Variants in BICD1 observed in about 807,000 individuals in gnomAD.
BICD1 encodes the protein BICD cargo adaptor 1.
Under a neutral mutation model 92.5 loss-of-function variants are expected in BICD1, and 35 were observed. The ratio of observed to expected loss-of-function variants is 0.38; its 90% CI spans 0.29 to 0.50. BICD1 has a LOEUF of 0.50. BICD1 is among the 20% of genes least tolerant of loss of function. The pLI is 0.93. For synonymous variants in BICD1, 429 were observed against 465.1 expected (o/e 0.92, Z 1.00); for missense variants, 950 against 1,189.8 (o/e 0.80, Z 2.97).
In BICD1 at chr12:32,261,362, G is replaced by A. The variant is rs116878391; in HGVS notation, c.427-32632G>A. Among the ~76,000 whole-genome samples the A allele has an allele frequency of 1.1e-3, 164 of 152,204 alleles. No individual in the cohort carries two copies. The East Asian group carries it at 0.019, about 18-fold the overall frequency. On this transcript the variant is annotated intron_variant, in intron 2 of 9. Transcript: ENST00000652176. ...CATCAATTGCCCTAGGGCTGTTCCG[G>A]CTTAGTGCTTGTTGGTCAGTTGGAT... is the stretch of plus-strand genomic sequence containing the variant.
At chr12:32,186,290 A>T (rs1210867007) in intron 1 of BICD1, among the ~76,000 whole-genome samples, 2 of 152,200 alleles carry the variant, frequency 1.3e-5, no homozygotes, top group African/African-American at 4.8e-5. Context: ...ACATTGCTGA[A>T]AGTACACAGC....
chr12:32,218,232 A>C (rs1426125175), intron 2 of BICD1, among the ~76,000 whole-genome samples: 4 of 152,208 alleles, frequency 2.6e-5, no homozygotes, highest in African/African-American at 9.7e-5. Flanking sequence ...AAGTTAATTA[A>C]TTAAGCATGA....
chr12:32,299,581 G>C (rs1391233569), intron 3 of BICD1, among the ~76,000 whole-genome samples: 1 of 152,138 alleles, frequency 6.6e-6, no homozygotes, highest in African/African-American at 2.4e-5. Context: ...AAAGAGATCA[G>C]GGCCAGGCAC....
intron 8 of BICD1, among the ~76,000 whole-genome samples, chr12:32,345,451 C>A (rs1416638210): frequency 6.6e-6 from 1 of 151,986 alleles, no homozygotes; most frequent in Non-Finnish European, 1.5e-5. Flanking sequence ...GCCCACCCAA[C>A]CTTTTGTATT....
At chr12:32,317,805 G>A (rs1292860922) in intron 4 of BICD1, among the ~76,000 whole-genome samples, 2 of 151,624 alleles carry the variant, frequency 1.3e-5, no homozygotes, top group East Asian at 1.9e-4. Context: ...GTCCTGAATG[G>A]TATTGCCTAG....
At chr12:32,132,699 TGA>T (rs1318339758) in intron 1 of BICD1, among the ~76,000 whole-genome samples, 2 of 152,112 alleles carry the variant, frequency 1.3e-5, no homozygotes, top group African/African-American at 2.4e-5. Context: ...AGGGGGAATG[TGA>T]GAGGGGCAGT....
At chr12:32,127,984 G>A (rs185311600) in intron 1 of BICD1, among the ~76,000 whole-genome samples, 1 of 151,328 alleles carries the variant, frequency 6.6e-6, no homozygotes, top group Non-Finnish European at 1.5e-5. Context: ...GTTCACTGCA[G>A]CCTCTGCCTC....
chr12:32,142,992 C>A (rs1366511231), intron 1 of BICD1, among the ~76,000 whole-genome samples: 1 of 152,194 alleles, frequency 6.6e-6, no homozygotes, highest in Admixed American at 6.5e-5. Flanking sequence ...TCAACCTATT[C>A]CCCTATCCTG....
intron 2 of BICD1, among the ~76,000 whole-genome samples, chr12:32,230,219 T>C (rs1021099847): frequency 6.6e-6 from 1 of 151,776 alleles, no homozygotes; most frequent in African/African-American, 2.4e-5. Flanking sequence ...GTGCCTGCCA[T>C]AGGAGAGAAG....
intron 8 of BICD1, among the ~76,000 whole-genome samples, chr12:32,362,512 TCTTCATTCCTGTACC>T (rs1755474687): frequency 6.6e-6 from 1 of 152,222 alleles, no homozygotes; most frequent in African/African-American, 2.4e-5. Flanking sequence ...AACAATATTA[TCTTCATTCCTGTACC>T]CTTCATTTTG....
At chr12:32,174,816 T>C (rs1299134326) in intron 1 of BICD1, among the ~76,000 whole-genome samples, 1 of 152,238 alleles carries the variant, frequency 6.6e-6, no homozygotes, top group Non-Finnish European at 1.5e-5. Context: ...TTAAATCGCT[T>C]AAATCATTCA....
rs746679290 is a variant in BICD1 at position 32,244,383 on chromosome 12, T to G, written c.426+27924T>G. ...ATCATCATAGCAAGGTTTTCATCAT[T>G]TTTTATGGAATGTCAGCCTTGCCAC... On this transcript the variant is annotated intron_variant, in intron 2 of 9. Transcript: ENST00000652176. 4.8e-4 allele frequency among the ~76,000 whole-genome samples: 73 copies of G among 152,106 alleles called. 1 individual carries two copies. The highest frequency in any genetic ancestry group is 9.0e-4 in the Non-Finnish European group (61 of 68,028).
chr12:32,298,688 T>TAGAG (rs1257658280), intron 3 of BICD1, among the ~76,000 whole-genome samples: 1 of 147,514 alleles, frequency 6.8e-6, no homozygotes, highest in African/African-American at 2.5e-5. Flanking sequence ...CTGACCAACA[T>TAGAG]AGAGAAACCC....
intron 2 of BICD1, among the ~76,000 whole-genome samples, chr12:32,275,644 G>C (rs921060941): frequency 4.0e-5 from 6 of 151,864 alleles, no homozygotes; most frequent in African/African-American, 1.5e-4. Context: ...TTCGCTTGCC[G>C]TCCACCACTG....
chr12:32,139,288 ACTCTGTTT>A (rs1355682755), intron 1 of BICD1, among the ~76,000 whole-genome samples: 1 of 151,816 alleles, frequency 6.6e-6, no homozygotes, highest in Non-Finnish European at 1.5e-5. Flanking sequence ...ACATGGACTC[ACTCTGTTT>A]CTGTAAATTT....
rs1940163297 is a variant in BICD1, at chr12:32,381,176, T to G, written c.*3549T>G. ...GATGGCAATCTTTATTTTTCCAAGA[T>G]ATTTGTTGGAAAAAAATGATCGTTG... is the stretch of plus-strand genomic sequence containing the variant. On this transcript the variant is annotated 3_prime_UTR_variant, in exon 10 of 10. Transcript: ENST00000652176. 1 of 152,116 alleles carries G rather than the reference T, an allele frequency of 6.6e-6. No homozygotes were observed. Among genetic ancestry groups the G allele is most frequent in the African/African-American group, 2.4e-5 (1 of 41,468 alleles). The allele number at this position is 152,116 out of a possible 1,614,324, so 9.4% of individuals were successfully genotyped here. A position where few individuals can be genotyped will look rare whatever the true frequency, so the allele number is the denominator to read the frequency against.
intron 1 of BICD1, among the ~76,000 whole-genome samples, chr12:32,208,460 C>T (rs1945124947): frequency 6.6e-6 from 1 of 152,210 alleles, no homozygotes; most frequent in Non-Finnish European, 1.5e-5. Flanking sequence ...CAATGTCACA[C>T]AGTAAGTGGC....
intron 7 of BICD1, chr12:32,338,364 T>C (rs991770266): frequency 7.9e-5 from 14 of 177,102 alleles, no homozygotes; most frequent in Admixed American, 4.4e-4. Flanking sequence ...AGTCCTTTTC[T>C]TGAAAGCAGG....
At position 32,328,791 on chromosome 12, in the gene BICD1, AG is replaced by A. The variant is rs945812289; in HGVS notation, c.2100+238del. The stretch of plus-strand genomic sequence containing the variant: ...GGTGAGGAACTTAAAGCAGGAACAC[AG>A]GAGAAGATCTAGATGCCTTTCTGCA... On this transcript the variant is annotated intron_variant, in intron 5 of 9. Transcript: ENST00000652176. This position sits in a 1 kb window ranked among gnomAD's most constrained non-coding sequence, Gnocchi z 4.4. Among the ~76,000 whole-genome samples, 1 of 152,182 alleles carries A rather than the reference AG, an allele frequency of 6.6e-6. No homozygotes were observed. The highest frequency in any genetic ancestry group is 2.4e-5 in the African/African-American group (1 of 41,462).
Sources: gnomAD v4.1 joint callset for allele counts (sites outside exome capture counted in the v4.1 genomes callset) on GRCh38, gnomAD v4.1.1 for gene constraint, Gnocchi (gnomAD v3.1) non-coding constraint, MANE v1.5 for transcripts, NCBI Gene and HGNC (gene_info 2026-07-23, HGNC 2026-07-21) for gene names.